The following RABGAP1 variants were observed in gnomAD, a reference collection of about 807,000 sequenced individuals.
RABGAP1 encodes the protein RAB GTPase activating protein 1.
In RABGAP1, 23 loss-of-function variants were observed where a neutral mutation model predicts 137.6. That is an observed-to-expected ratio of 0.17 (90% CI 0.12 to 0.24). RABGAP1 has a LOEUF of 0.24. Ranked by LOEUF, RABGAP1 falls within the 10% of genes least tolerant of loss-of-function variation. The probability of loss-of-function intolerance (pLI) is 1.00; values close to 1 mark genes in which losing one functional copy is unlikely to be tolerated. For missense variants in RABGAP1, 906 were observed against 1,275.8 expected (o/e 0.71, Z 4.42); for synonymous variants, 451 against 450.7 (o/e 1.00, Z -0.01).
At position 123,024,960 on chromosome 9, in the gene RABGAP1, A is replaced by T. The variant is rs536155649; in HGVS notation, c.1794+4501A>T. Among the ~76,000 whole-genome samples, 12 of 152,288 alleles carry T rather than the reference A, an allele frequency of 7.9e-5. No homozygotes were observed. In the East Asian group the frequency reaches 1.3e-3, roughly 17 times the overall value. ...GCCATACAAGACATTTGCAGTTTTT[A>T]TGTAGAAAATTGTGTCTTGGTTAAG... is the stretch of plus-strand genomic sequence containing the variant. On this transcript the variant is annotated intron_variant, in intron 13 of 25. Coordinates refer to ENST00000373647, the MANE Select transcript of RABGAP1 (RefSeq NM_012197.4).
At chr9:122,986,553 C>G (rs1295417301) in intron 4 of RABGAP1, 134 bp downstream of exon 4, 4 of 959,890 alleles carry the variant, frequency 4.2e-6, no homozygotes, top group African/African-American at 3.3e-5. Context: ...ACCTGGCACT[C>G]ATGTCTCCCA....
rs59639446 is a variant in RABGAP1 at position 123,047,919 on chromosome 9, G to GTTTTTTTT, written c.1795-17400_1795-17393dup. 2.6e-4 allele frequency among the ~76,000 whole-genome samples: 16 copies of GTTTTTTTT among 62,282 alleles called. 5 individuals carry two copies. The highest frequency in any genetic ancestry group is 5.0e-4 in the Non-Finnish European group (14 of 28,026). The allele number at this position is 62,282 out of a possible 152,430, so 40.9% of individuals were successfully genotyped here. ...TATCTAGCCATTTTACAGCTGCTGGGTTTTTTTTTTTTTTTTTTTTTTTTT... is the reference window on the plus strand; with the variant it reads ...TATCTAGCCATTTTACAGCTGCTGGGTTTTTTTTTTTTTTTTTTTTTTTTTTTTTTTTT... On this transcript the variant is annotated intron_variant, in intron 13 of 25. Coordinates refer to ENST00000373647, the MANE Select transcript of RABGAP1 (RefSeq NM_012197.4).
chr9:123,028,985 T>C (rs1313601406), intron 13 of RABGAP1, among the ~76,000 whole-genome samples: 1 of 152,222 alleles, frequency 6.6e-6, no homozygotes, highest in African/African-American at 2.4e-5. Flanking sequence ...TTATCTGTAT[T>C]ATCAGGCTTA....
chr9:122,991,545 A>G (rs1744039120), intron 6 of RABGAP1, among the ~76,000 whole-genome samples: 1 of 151,778 alleles, frequency 6.6e-6, no homozygotes, highest in South Asian at 2.1e-4. Context: ...TTTGAGGAGT[A>G]AAGTATGACT....
upstream of RABGAP1, chr9:122,939,342 T>C (rs1053073464): frequency 6.6e-6 from 1 of 152,118 alleles, no homozygotes; most frequent in African/African-American, 2.4e-5. Flanking sequence ...TTTTTTGTTT[T>C]TCATTAAAAC....
At chr9:123,051,705 A>G (rs893853233) in intron 13 of RABGAP1, among the ~76,000 whole-genome samples, 3 of 152,036 alleles carry the variant, frequency 2.0e-5, no homozygotes, top group Non-Finnish European at 4.4e-5. Flanking sequence ...AGTCTGTGTC[A>G]TACCAATTTT....
chr9:122,931,738 T>G, the RABGAP1 span, among the ~76,000 whole-genome samples: 1 of 152,336 alleles, frequency 6.6e-6, no homozygotes, highest in Non-Finnish European at 1.5e-5. Flanking sequence ...CCTTAGCTCG[T>G]AAGCGTCTGT....
intron 13 of RABGAP1, among the ~76,000 whole-genome samples, chr9:123,021,194 G>A (rs1394820068): frequency 6.6e-6 from 1 of 150,958 alleles, no homozygotes; most frequent in Non-Finnish European, 1.5e-5. Flanking sequence ...GAATATAGGA[G>A]ATTTTTCAAT....
intron 10 of RABGAP1, among the ~76,000 whole-genome samples, chr9:123,006,112 T>G (rs1166401504): frequency 1.3e-5 from 2 of 152,228 alleles, no homozygotes; most frequent in Admixed American, 1.3e-4. Flanking sequence ...CTTGGAGATA[T>G]GATAGTCCTC....
intron 13 of RABGAP1, among the ~76,000 whole-genome samples, chr9:123,031,191 C>A (rs2032277523): frequency 6.6e-6 from 1 of 152,130 alleles, no homozygotes; most frequent in African/African-American, 2.4e-5. Context: ...GAATAAGTTT[C>A]ATGCCCAAAT....
chr9:122,996,949 A>G, intron 8 of RABGAP1: 1 of 530,338 alleles, frequency 1.9e-6, no homozygotes, highest in East Asian at 4.3e-5. Context: ...TATTCCCATT[A>G]TCTGAAAATC....
At chr9:122,952,675 G>A (rs1834316480) in intron 1 of RABGAP1, among the ~76,000 whole-genome samples, 1 of 152,104 alleles carries the variant, frequency 6.6e-6, no homozygotes, top group South Asian at 2.1e-4. Context: ...GTTTGAGGCT[G>A]CAGTGAGCTA....
chr9:123,077,778 A>G (rs2034569292), intron 19 of RABGAP1, among the ~76,000 whole-genome samples: 1 of 151,976 alleles, frequency 6.6e-6, no homozygotes, highest in Admixed American at 6.6e-5. Flanking sequence ...AGCTCACTGT[A>G]GCCTCAACCT....
intron 13 of RABGAP1, among the ~76,000 whole-genome samples, chr9:123,041,822 T>C (rs1046840532): frequency 6.6e-6 from 1 of 152,188 alleles, no homozygotes; most frequent in Non-Finnish European, 1.5e-5. Context: ...GATGTCCCTA[T>C]AAGCATAGAG....
intron 13 of RABGAP1, among the ~76,000 whole-genome samples, chr9:123,045,682 T>C (rs1184166046): frequency 6.6e-6 from 1 of 152,168 alleles, no homozygotes; most frequent in Non-Finnish European, 1.5e-5. Context: ...ATTATGTTAA[T>C]AGTAAGGCTT....
At chr9:122,968,383 C>T (rs1229371911) in intron 2 of RABGAP1, among the ~76,000 whole-genome samples, 3 of 150,850 alleles carry the variant, frequency 2.0e-5, no homozygotes, top group East Asian at 2.0e-4. Flanking sequence ...CCACTATGCC[C>T]GGCTAATTTT....
chr9:122,949,693 CAA>C (rs60115483), intron 1 of RABGAP1, among the ~76,000 whole-genome samples: 1,845 of 54,694 alleles, frequency 0.034, 13 homozygotes, highest in South Asian at 0.14. Context: ...GACTCTGTCT[CAA>C]AAAAAAAAAA....
At chr9:123,069,745 A>G (rs2034293347) in intron 14 of RABGAP1, among the ~76,000 whole-genome samples, 1 of 152,074 alleles carries the variant, frequency 6.6e-6, no homozygotes, top group Non-Finnish European at 1.5e-5. Flanking sequence ...TTAGGCAGGC[A>G]TGGTGGTGCA....
At chr9:123,018,892 T>G (rs1184094567) in intron 12 of RABGAP1, among the ~76,000 whole-genome samples, 1 of 152,210 alleles carries the variant, frequency 6.6e-6, no homozygotes, top group Non-Finnish European at 1.5e-5. Flanking sequence ...TCCTGTTTTA[T>G]TGACTCAGTA....
Sources: gnomAD v4.1 joint callset for allele counts (sites outside exome capture counted in the v4.1 genomes callset) on GRCh38, gnomAD v4.1.1 for gene constraint, MANE v1.5 for transcripts, NCBI Gene and HGNC (gene_info 2026-07-23, HGNC 2026-07-21) for gene names.